The following ME1 variants were observed in gnomAD, a reference collection of about 807,000 sequenced individuals.
ME1 encodes NADP-dependent malic enzyme.
A neutral mutation model predicts 66.4 loss-of-function variants in ME1; 74 were observed. That is an observed-to-expected ratio of 1.11 (90% CI 0.92 to 1.35). The LOEUF is 1.35. Among genes scored for constraint, ME1 ranks in the 40% most tolerant of loss-of-function variants. ME1 has a pLI of 0.00. For missense variants in ME1, 750 were observed against 694.1 expected, an observed-to-expected ratio of 1.08 and a Z score of -0.90; for synonymous variants, 251 against 235.6, an observed-to-expected ratio of 1.07 and a Z score of -0.60.
chr6:83,219,870 G>A (rs1409878699), intron 12 of ME1, among the ~76,000 whole-genome samples: 2 of 151,416 alleles, frequency 1.3e-5, no homozygotes, highest in African/African-American at 4.9e-5. Context: ...TTACAGACGT[G>A]AGCCACTGCA....
chr6:83,269,607 C>T (rs932832139), intron 6 of ME1, among the ~76,000 whole-genome samples: 4 of 152,074 alleles, frequency 2.6e-5, no homozygotes, highest in Non-Finnish European at 5.9e-5. Context: ...AACTGTTCCC[C>T]CTTTTTATAT....
intron 3 of ME1, among the ~76,000 whole-genome samples, chr6:83,373,114 C>A (rs1033148780): frequency 2.6e-5 from 4 of 152,176 alleles, no homozygotes; most frequent in Admixed American, 1.3e-4. Context: ...TAAATTCGAG[C>A]ATTTATTCCT....
intron 3 of ME1, among the ~76,000 whole-genome samples, chr6:83,359,685 G>A (rs1768970598): frequency 6.6e-6 from 1 of 152,170 alleles, no homozygotes; most frequent in African/African-American, 2.4e-5. Flanking sequence ...TGGTGGAATG[G>A]ATTAGTCACT....
At chr6:83,263,436 C>T (rs562401337) in intron 6 of ME1, among the ~76,000 whole-genome samples, 8 of 152,144 alleles carry the variant, frequency 5.3e-5, no homozygotes, top group East Asian at 1.9e-4. Flanking sequence ...ACCTGTTGTA[C>T]GAAGCAGTTA....
intron 3 of ME1, among the ~76,000 whole-genome samples, chr6:83,390,870 CTATA>C (rs1769606601): frequency 7.1e-6 from 1 of 140,832 alleles, no homozygotes; most frequent in Non-Finnish European, 1.6e-5. Flanking sequence ...CCATCTCTCT[CTATA>C]TATATACATA....
chr6:83,379,831 C>T (rs1047931082), intron 3 of ME1, among the ~76,000 whole-genome samples: 17 of 152,120 alleles, frequency 1.1e-4, no homozygotes, highest in Non-Finnish European at 2.1e-4. Flanking sequence ...GAGAACTGTA[C>T]GTACATTTGA....
chr6:83,304,244 C>A (rs1219929293), intron 6 of ME1, among the ~76,000 whole-genome samples: 1 of 152,066 alleles, frequency 6.6e-6, no homozygotes, highest in East Asian at 1.9e-4. Flanking sequence ...CTCCAAAGTG[C>A]AAGTTTTACT....
intron 6 of ME1, among the ~76,000 whole-genome samples, chr6:83,267,999 A>G (rs1328027161): frequency 1.3e-5 from 2 of 152,192 alleles, no homozygotes; most frequent in Non-Finnish European, 2.9e-5. Flanking sequence ...TTTATACTGA[A>G]TAATGAAACT....
At chr6:83,340,201 A>C (rs1768552248) in intron 5 of ME1, among the ~76,000 whole-genome samples, 1 of 152,102 alleles carries the variant, frequency 6.6e-6, no homozygotes, top group Non-Finnish European at 1.5e-5. Flanking sequence ...TAATAGATAA[A>C]CATATTACCT....
chr6:83,306,735 AT>A (rs1171839230), intron 6 of ME1, among the ~76,000 whole-genome samples: 2 of 152,110 alleles, frequency 1.3e-5, no homozygotes, highest in African/African-American at 4.8e-5. Flanking sequence ...AACAGCAGTT[AT>A]TTTATGCCTA....
At chr6:83,269,120 T>C (rs552597005) in intron 6 of ME1, among the ~76,000 whole-genome samples, 1 of 152,264 alleles carries the variant, frequency 6.6e-6, no homozygotes, top group Non-Finnish European at 1.5e-5. Context: ...AGTGTTACTA[T>C]AGTATGTGGG....
chr6:83,268,700 G>A (rs866716726), intron 6 of ME1, among the ~76,000 whole-genome samples: 41 of 150,670 alleles, frequency 2.7e-4, no homozygotes, highest in South Asian at 8.4e-4. Context: ...TAAGTATCTG[G>A]GACCACAGGC....
intron 5 of ME1, among the ~76,000 whole-genome samples, chr6:83,320,997 C>G (rs922401420): frequency 1.3e-5 from 2 of 152,120 alleles, no homozygotes; most frequent in South Asian, 4.1e-4. Context: ...GTACAGCCCA[C>G]AGAGGGCAAG....
At chr6:83,219,653 T>C (rs1242027451) in intron 12 of ME1, among the ~76,000 whole-genome samples, 2 of 151,984 alleles carry the variant, frequency 1.3e-5, no homozygotes. Flanking sequence ...CGCTGGAGTG[T>C]AGGCAATCTC....
intron 2 of ME1, among the ~76,000 whole-genome samples, 198 bp from the exon 3 acceptor site, chr6:83,398,714 G>T (rs898704630): frequency 6.6e-6 from 1 of 152,198 alleles, no homozygotes; most frequent in African/African-American, 2.4e-5. Context: ...GTTCATGCCT[G>T]TAATCCCAGC....
At chr6:83,333,365 C>T (rs1171914442) in intron 5 of ME1, among the ~76,000 whole-genome samples, 1 of 152,164 alleles carries the variant, frequency 6.6e-6, no homozygotes, top group East Asian at 1.9e-4. Flanking sequence ...AACACCATTA[C>T]ATTTTAAATG....
intron 6 of ME1, among the ~76,000 whole-genome samples, chr6:83,291,907 G>A (rs1767511383): frequency 6.6e-6 from 1 of 151,692 alleles, no homozygotes; most frequent in South Asian, 2.1e-4. Flanking sequence ...CTGCTTGATC[G>A]AATCGGCTAT....
intron 13 of ME1, among the ~76,000 whole-genome samples, chr6:83,215,907 C>CA (rs997267842): frequency 6.6e-6 from 1 of 152,218 alleles, no homozygotes; most frequent in East Asian, 1.9e-4. Context: ...AATTACACTG[C>CA]AAAAAAAGTC....
At chr6:83,269,089 ATATCTGTG>A (rs1767041047) in intron 6 of ME1, among the ~76,000 whole-genome samples, 1 of 152,140 alleles carries the variant, frequency 6.6e-6, no homozygotes, top group Non-Finnish European at 1.5e-5. Context: ...CTTTCCTTAG[ATATCTGTG>A]TATATTTAGG....
Sources: gnomAD v4.1 joint callset for allele counts (sites outside exome capture counted in the v4.1 genomes callset) on GRCh38, gnomAD v4.1.1 for gene constraint, MANE v1.5 for transcripts, NCBI Gene and HGNC (gene_info 2026-07-23, HGNC 2026-07-21) for gene names.